PDE4D: variants seen among roughly 807,000 people sequenced by gnomAD.
The protein encoded by PDE4D is phosphodiesterase 4D, also known as 3',5'-cyclic-AMP phosphodiesterase 4D.
Under a neutral mutation model 87.4 loss-of-function variants are expected in PDE4D, and 24 were observed. The observed-to-expected ratio is 0.27, with a 90% CI of 0.20 to 0.39. The LOEUF (loss-of-function observed/expected upper bound fraction) is 0.39, where lower values mean the gene tolerates loss of function less well. Among genes scored for constraint, PDE4D ranks in the 10% least tolerant of loss-of-function variants. The pLI is 1.00. For synonymous variants in PDE4D, 384 were observed against 383.2 expected, an observed-to-expected ratio of 1.00 and a Z score of -0.02; for missense variants, 714 against 1,041.0, an observed-to-expected ratio of 0.69 and a Z score of 4.32.
chr5:60,316,889 C>G (rs1470654140), intron 1 of PDE4D, among the ~76,000 whole-genome samples: 3 of 152,026 alleles, frequency 2.0e-5, no homozygotes, highest in Admixed American at 2.0e-4. Flanking sequence ...TTCGGTTTGC[C>G]AATATTTTAT....
chr5:60,280,808 CTATAAA>C (rs1157385344), intron 1 of PDE4D, among the ~76,000 whole-genome samples: 22 of 152,092 alleles, frequency 1.4e-4, no homozygotes, highest in African/African-American at 5.1e-4. Context: ...CATTAAGGCT[CTATAAA>C]TGTTAATTAT....
At chr5:60,427,987 G>GA (rs1743867086) in intron 1 of PDE4D, among the ~76,000 whole-genome samples, 1 of 152,228 alleles carries the variant, frequency 6.6e-6, no homozygotes, top group Admixed American at 6.5e-5. Context: ...GAGGCAGGAG[G>GA]ACTGCTTGAG....
intron 1 of PDE4D, among the ~76,000 whole-genome samples, chr5:60,439,509 A>G (rs78142149): frequency 0.027 from 4,137 of 152,216 alleles, 89 homozygotes; most frequent in Middle Eastern, 0.078. Flanking sequence ...TTGTATTGTC[A>G]GGTAAATTGA....
At chr5:60,217,474 T>C (rs1346526471) in intron 1 of PDE4D, among the ~76,000 whole-genome samples, 2 of 152,078 alleles carry the variant, frequency 1.3e-5, no homozygotes, top group South Asian at 2.1e-4. Context: ...ATCTGTCAAT[T>C]TGAATGCATT....
At chr5:59,610,592 T>C (rs1029698378) in intron 1 of PDE4D, among the ~76,000 whole-genome samples, 4 of 152,148 alleles carry the variant, frequency 2.6e-5, no homozygotes, top group African/African-American at 9.7e-5. Flanking sequence ...ATTCAAAGCT[T>C]AGTGGCTTAC....
intron 1 of PDE4D, among the ~76,000 whole-genome samples, chr5:59,723,161 CAT>C (rs1204802633): frequency 6.6e-6 from 1 of 151,994 alleles, no homozygotes; most frequent in Non-Finnish European, 1.5e-5. Flanking sequence ...AGAGAATCTG[CAT>C]ATACCTTCAA....
intron 3 of PDE4D, among the ~76,000 whole-genome samples, chr5:59,930,961 A>G (rs1255149119): frequency 6.6e-6 from 1 of 152,222 alleles, no homozygotes; most frequent in African/African-American, 2.4e-5. Context: ...TCAGGATTAC[A>G]GTGATTGTAA....
intron 2 of PDE4D, among the ~76,000 whole-genome samples, chr5:60,005,919 C>A (rs186766302): frequency 1.8e-4 from 27 of 151,736 alleles, no homozygotes; most frequent in East Asian, 9.7e-4. Flanking sequence ...GATCTGTTAA[C>A]CTTAGTTGCT....
At chr5:59,928,981 C>T (rs748284529) in intron 3 of PDE4D, among the ~76,000 whole-genome samples, 1 of 151,706 alleles carries the variant, frequency 6.6e-6, no homozygotes, top group Non-Finnish European at 1.5e-5. Context: ...ATTTAATGGA[C>T]ATTAACATTT....
chr5:59,006,588 GA>G (rs71604771), intron 6 of PDE4D, among the ~76,000 whole-genome samples: 1 of 148,690 alleles, frequency 6.7e-6, no homozygotes, highest in African/African-American at 2.5e-5. Context: ...TCTCAAAAAA[GA>G]AAAAAAAAAT....
At chr5:59,499,491 G>C (rs1264263660) in intron 1 of PDE4D, among the ~76,000 whole-genome samples, 1 of 145,438 alleles carries the variant, frequency 6.9e-6, no homozygotes. Context: ...TGAGAAGTTT[G>C]TTCTTGGAAA....
At position 59,248,196 on chromosome 5, in the gene PDE4D, TA is replaced by T. The variant is rs557848730; in HGVS notation, c.456-32229del. Among the ~76,000 whole-genome samples the T allele has an allele frequency of 7.4e-4, 110 of 147,998 alleles. 1 individual carries two copies. The highest frequency in any genetic ancestry group is 2.1e-3 in the African/African-American group (84 of 40,166). On this transcript the variant is annotated intron_variant, in intron 1 of 14. Transcript: ENST00000340635. ...ATTTGTGAGCGGATAAGAAAAAATA[TA>T]AGATTTTATTTCCATACCTCAATAA... is the stretch of plus-strand genomic sequence containing the variant.
At chr5:59,108,199 C>T (rs764687165) in intron 5 of PDE4D, among the ~76,000 whole-genome samples, 3 of 152,278 alleles carry the variant, frequency 2.0e-5, no homozygotes, top group East Asian at 1.9e-4. Context: ...ATACAAAATG[C>T]GTAAACCCAA....
At chr5:60,090,475 A>C (rs879789956) in intron 2 of PDE4D, among the ~76,000 whole-genome samples, 1 of 152,190 alleles carries the variant, frequency 6.6e-6, no homozygotes, top group Non-Finnish European at 1.5e-5. Flanking sequence ...ATAAAATTTG[A>C]CATTCCTTCA....
At chr5:59,851,740 C>T (rs952457380) in intron 1 of PDE4D, among the ~76,000 whole-genome samples, 4 of 151,918 alleles carry the variant, frequency 2.6e-5, no homozygotes, top group African/African-American at 9.7e-5. Flanking sequence ...TTCTGTTGGC[C>T]TTGAAGGAGT....
chr5:59,563,590 A>G (rs1820412332), intron 1 of PDE4D, among the ~76,000 whole-genome samples: 1 of 152,188 alleles, frequency 6.6e-6, no homozygotes, highest in Non-Finnish European at 1.5e-5. Context: ...CATCTTCACA[A>G]CAACACTCTG....
chr5:59,651,031 G>A (rs967905698), intron 1 of PDE4D, among the ~76,000 whole-genome samples: 1 of 151,828 alleles, frequency 6.6e-6, no homozygotes, highest in African/African-American at 2.4e-5. Context: ...CGAGGTGGGC[G>A]GATCACGAGG....
At chr5:59,497,745 A>G (rs769904873) in intron 1 of PDE4D, among the ~76,000 whole-genome samples, 1 of 152,212 alleles carries the variant, frequency 6.6e-6, no homozygotes, top group African/African-American at 2.4e-5. Context: ...CTTGGAACAC[A>G]TATTTGAGGA....
chr5:59,682,067 C>A (rs1317971699), intron 1 of PDE4D, among the ~76,000 whole-genome samples: 2 of 151,934 alleles, frequency 1.3e-5, no homozygotes, highest in African/African-American at 2.4e-5. Flanking sequence ...AAATTCTATT[C>A]ATTATAAATT....
Sources: allele counts gnomAD v4.1 joint callset (sites outside exome capture counted in the v4.1 genomes callset), GRCh38; gene constraint gnomAD v4.1.1; transcripts MANE v1.5; gene names NCBI Gene and HGNC (gene_info 2026-07-23, HGNC 2026-07-21).